Variants in BACH1 observed in about 807,000 individuals in gnomAD.
BACH1 encodes BTB domain and CNC homolog 1, also known as transcription regulator protein BACH1.
BACH1 carries 35 observed loss-of-function variants against 52.9 expected under a neutral mutation model. The ratio of observed to expected loss-of-function variants is 0.66; its 90% CI spans 0.51 to 0.88. The LOEUF is 0.88. Ranked by LOEUF, BACH1 falls within the 40% of genes least tolerant of loss-of-function variation. The probability of loss-of-function intolerance (pLI) is 0.00; values close to 1 mark genes in which losing one functional copy is unlikely to be tolerated. For missense variants in BACH1, 808 were observed against 872.6 expected, an observed-to-expected ratio of 0.93 and a Z score of 0.93; for synonymous variants, 321 against 319.6, an observed-to-expected ratio of 1.00 and a Z score of -0.05.
chr21:29,348,465 G>GA (rs967327583), downstream of BACH1, among the ~76,000 whole-genome samples: 144 of 145,600 alleles, frequency 9.9e-4, no homozygotes, highest in African/African-American at 1.2e-3. Flanking sequence ...ATAGTATCTG[G>GA]AAAAAAAAAA....
chr21:29,358,770 A>AAAAGAAAAAGAAAG (rs1409780180), intron 2 of BACH1, among the ~76,000 whole-genome samples: 1 of 108,890 alleles, frequency 9.2e-6, no homozygotes, highest in Non-Finnish European at 1.9e-5. Context: ...AAAAGAAAAG[A>AAAAGAAAAAGAAAG]AAAGAAAGAA....
intron 1 of BACH1, among the ~76,000 whole-genome samples, chr21:29,306,584 A>T (rs1167058135): frequency 2.6e-5 from 4 of 152,120 alleles, no homozygotes; most frequent in Non-Finnish European, 4.4e-5. Flanking sequence ...CTTCCTTGGA[A>T]GTTGATGGCC....
In BACH1 at chr21:29,342,433, A is replaced by G. The variant is rs769631470; in HGVS notation, c.1811A>G (p.Asp604Gly). The part of the protein sequence containing the change: ...SEKESLLKER[D>G]HILSTLGETK... ...AAGGAGAGCTTGTTGAAGGAAAGAG[A>G]TCACATTTTGTCAACTCTGGGTGAG... The change falls in exon 5 of 5, where the codon GAT (aspartate) becomes GGT (glycine). Residue 604 changes from aspartate to glycine, a missense_variant. Coordinates refer to ENST00000286800, the MANE Select transcript of BACH1 (RefSeq NM_001186.4). The G allele has an allele frequency of 1.2e-6, 2 of 1,613,934 alleles. No homozygotes were observed. Among genetic ancestry groups the G allele is most frequent in the African/African-American group, 2.7e-5 (2 of 74,910 alleles).
chr21:29,310,502 C>T (rs2088708477), intron 1 of BACH1, among the ~76,000 whole-genome samples: 1 of 152,160 alleles, frequency 6.6e-6, no homozygotes, highest in South Asian at 2.1e-4. Context: ...ATGCAGTTGG[C>T]TATATGAGTA....
intron 1 of BACH1, among the ~76,000 whole-genome samples, chr21:29,299,924 C>T (rs1279136586): frequency 1.3e-5 from 2 of 152,124 alleles, no homozygotes; most frequent in African/African-American, 2.4e-5. Flanking sequence ...GGAATTTGAT[C>T]ATGTATTTGA....
At position 29,309,766 on chromosome 21, in the gene BACH1, C is replaced by T. The variant is rs527918489; in HGVS notation, c.-61+10813C>T. ...CACATGGTTGATGATATCAGTAGAG[C>T]GTTAATCTGATTATCCACAGCTGCT... On this transcript the variant is annotated intron_variant, in intron 1 of 4. Transcript: ENST00000286800. 5.3e-5 allele frequency among the ~76,000 whole-genome samples: 8 copies of T among 152,302 alleles called. No individual in the cohort carries two copies. In the South Asian group the frequency reaches 1.5e-3, roughly 28 times the overall value.
At chr21:29,307,260 C>G (rs144461012) in intron 1 of BACH1, among the ~76,000 whole-genome samples, 1 of 152,188 alleles carries the variant, frequency 6.6e-6, no homozygotes, top group African/African-American at 2.4e-5. Flanking sequence ...TTAGCTTATT[C>G]GTCATTCTTT....
chr21:29,303,753 A>G (rs1288723705), intron 1 of BACH1, among the ~76,000 whole-genome samples: 2 of 152,226 alleles, frequency 1.3e-5, no homozygotes, highest in Non-Finnish European at 2.9e-5. Flanking sequence ...TATGTCTAAT[A>G]CTTTGAATAT....
chr21:29,344,512 A>G lies in BACH1; in HGVS notation c.*1679A>G, dbSNP rs1569023791. On this transcript the variant is annotated 3_prime_UTR_variant, in exon 5 of 5. Transcript: ENST00000286800. ...CAGTGGTTTGTATGTTCTCTCTGTC[A>G]CTGACTTATTTGTAAGAGAAAATTA... The G allele has an allele frequency of 6.6e-6, 1 of 152,606 alleles. No homozygotes were observed. Among genetic ancestry groups the G allele is most frequent in the Non-Finnish European group, 1.5e-5 (1 of 68,022 alleles). The allele number at this position is 152,606 out of a possible 1,614,324, so 9.5% of individuals were successfully genotyped here.
rs138796378 is a variant in BACH1, at chr21:29,324,920, G to A, written c.235-1139G>A. 1.9e-3 allele frequency among the ~76,000 whole-genome samples: 288 copies of A among 152,220 alleles called. 1 individual carries two copies. The highest frequency in any genetic ancestry group is 6.8e-3 in the Middle Eastern group (2 of 294). On this transcript the variant is annotated intron_variant, in intron 2 of 4. Transcript: ENST00000286800. ...CTTTAAAAAGCCTAAACATGGTTTA[G>A]CATGTTTATGTTTTTAAGAAGATCA...
At chr21:29,310,710 A>C (rs919946806) in intron 1 of BACH1, among the ~76,000 whole-genome samples, 3 of 152,254 alleles carry the variant, frequency 2.0e-5, no homozygotes, top group African/African-American at 7.2e-5. Flanking sequence ...TCAACTTGTT[A>C]ACTATTGCTG....
intron 1 of BACH1, among the ~76,000 whole-genome samples, chr21:29,317,816 C>A (rs564645036): frequency 6.6e-6 from 1 of 152,116 alleles, no homozygotes; most frequent in Non-Finnish European, 1.5e-5. Flanking sequence ...ACCCTTTTCC[C>A]ACATCATCTC....
intron 3 of BACH1, 111 bp downstream of exon 3, chr21:29,327,504 G>T: frequency 7.1e-7 from 1 of 1,404,488 alleles, no homozygotes; most frequent in Non-Finnish European, 9.5e-7. Context: ...AGGGAGTGGG[G>T]AGGAAACTCA....
chr21:29,328,540 A>G (rs1168010973), intron 3 of BACH1, among the ~76,000 whole-genome samples: 1 of 149,442 alleles, frequency 6.7e-6, no homozygotes, highest in Non-Finnish European at 1.5e-5. Flanking sequence ...CTTGGGCTTT[A>G]TTTGTTTTTT....
At chr21:29,306,657 GTGT>G (rs2088661519) in intron 1 of BACH1, among the ~76,000 whole-genome samples, 1 of 152,162 alleles carries the variant, frequency 6.6e-6, no homozygotes, top group African/African-American at 2.4e-5. Context: ...GGGGTGAATG[GTGT>G]TGTGCAGTTA....
chr21:29,311,766 T>G (rs1444258199), intron 1 of BACH1, among the ~76,000 whole-genome samples: 1 of 152,244 alleles, frequency 6.6e-6, no homozygotes, highest in African/African-American at 2.4e-5. Flanking sequence ...GCAGTGCCTT[T>G]TGACTCTGCA....
intron 3 of BACH1, among the ~76,000 whole-genome samples, chr21:29,328,468 C>T (rs1245108725): frequency 6.6e-6 from 1 of 151,212 alleles, no homozygotes; most frequent in African/African-American, 2.4e-5. Flanking sequence ...TCTTTATAAT[C>T]ACAATTTACA....
At chr21:29,315,752 T>C (rs866373143) in intron 1 of BACH1, among the ~76,000 whole-genome samples, 35 of 152,344 alleles carry the variant, frequency 2.3e-4, no homozygotes, top group Middle Eastern at 3.4e-3. Context: ...TTCAAATAAA[T>C]ACCTTTCCAG....
intron 2 of BACH1, among the ~76,000 whole-genome samples, chr21:29,323,161 T>G (rs2088869005): frequency 6.6e-6 from 1 of 152,218 alleles, no homozygotes; most frequent in Non-Finnish European, 1.5e-5. Flanking sequence ...ATTGAAATTT[T>G]TATCGAGTGT....
Sources: gnomAD v4.1 joint callset for allele counts (sites outside exome capture counted in the v4.1 genomes callset) on GRCh38, gnomAD v4.1.1 for gene constraint, MANE v1.5 for transcripts, NCBI Gene and HGNC (gene_info 2026-07-23, HGNC 2026-07-21) for gene names.